CREB3L2: variants seen among roughly 807,000 people sequenced by gnomAD.
The protein encoded by CREB3L2 is cyclic AMP-responsive element-binding protein 3-like protein 2.
A neutral mutation model predicts 57.2 loss-of-function variants in CREB3L2; 23 were observed. That is an observed-to-expected ratio of 0.40 (90% CI 0.29 to 0.57). CREB3L2 has a LOEUF of 0.57. Among genes scored for constraint, CREB3L2 ranks in the 20% least tolerant of loss-of-function variants. CREB3L2 has a pLI of 0.42. For synonymous variants in CREB3L2, 268 were observed against 265.1 expected (o/e 1.01, Z -0.11); for missense variants, 628 against 634.7 (o/e 0.99, Z 0.11).
intron 1 of CREB3L2, among the ~76,000 whole-genome samples, chr7:137,937,556 G>GA (rs887202223): frequency 6.0e-4 from 91 of 150,720 alleles, no homozygotes; most frequent in African/African-American, 2.0e-3. Context: ...AAAGTCCCAA[G>GA]AAAAAAAAAT....
intron 6 of CREB3L2, 145 bp from the exon 7 acceptor site, chr7:137,904,162 T>C (rs1175283093): frequency 1.2e-5 from 8 of 691,264 alleles, no homozygotes; most frequent in Non-Finnish European, 2.0e-5. Flanking sequence ...GCTGGTTCAT[T>C]GACTAGTCTG....
At chr7:137,986,356 T>C (rs1801792266) in intron 1 of CREB3L2, among the ~76,000 whole-genome samples, 1 of 152,250 alleles carries the variant, frequency 6.6e-6, no homozygotes, top group Admixed American at 6.5e-5. Flanking sequence ...CCAACAGGTA[T>C]GCCGGGGAGT....
Position 137,876,546 on chromosome 7 carries a change from A to T in CREB3L2, c.*3930T>A, listed in dbSNP as rs944229002. On this transcript the variant is annotated 3_prime_UTR_variant, in exon 12 of 12. Transcript: ENST00000330387. ...GAATGAGTGAGTGAATGAACGAAAC[A>T]TCTAAGTCTTGTCTCTGGATCCTTC... 1 of 233,052 alleles carries T rather than the reference A, an allele frequency of 4.3e-6. No homozygotes were observed. Among genetic ancestry groups the T allele is most frequent in the Non-Finnish European group, 8.5e-6 (1 of 118,042 alleles). The allele number at this position is 233,052 out of a possible 1,614,324, so 14.4% of individuals were successfully genotyped here.
chr7:137,950,389 C>A lies in CREB3L2; in HGVS notation c.103-22023G>T, dbSNP rs1563263416. Among the ~76,000 whole-genome samples the A allele has an allele frequency of 2.0e-5, 3 of 152,198 alleles. No homozygotes were observed. In the South Asian group the frequency reaches 6.2e-4, roughly 32 times the overall value. Reference sequence around the variant, plus strand: ...CAGGTATGATTACCATCAGTCCACACTTGTCTTTTTCTGGGGAAACTGGAC... The same window carrying A: ...CAGGTATGATTACCATCAGTCCACAATTGTCTTTTTCTGGGGAAACTGGAC... On this transcript the variant is annotated intron_variant, in intron 1 of 11. Transcript: ENST00000330387.
At chr7:137,938,153 C>A (rs1800823188) in intron 1 of CREB3L2, among the ~76,000 whole-genome samples, 1 of 151,980 alleles carries the variant, frequency 6.6e-6, no homozygotes, top group Admixed American at 6.6e-5. Flanking sequence ...AAGAGTGAAC[C>A]CTAATGTGAA....
In CREB3L2 at chr7:137,880,331, C is replaced by T. The variant is rs911524700; in HGVS notation, c.*145G>A. 3 of 681,206 alleles carry T rather than the reference C, an allele frequency of 4.4e-6. No homozygotes were observed. Among genetic ancestry groups the T allele is most frequent in the African/African-American group, 3.6e-5 (2 of 56,168 alleles). The allele number at this position is 681,206 out of a possible 1,614,324, so 42.2% of individuals were successfully genotyped here. A position where few individuals can be genotyped will look rare whatever the true frequency, so the allele number is the denominator to read the frequency against. On this transcript the variant is annotated 3_prime_UTR_variant, in exon 12 of 12. Coordinates refer to ENST00000330387, the MANE Select transcript of CREB3L2 (RefSeq NM_194071.4). This position sits in a 1 kb window ranked among gnomAD's most constrained non-coding sequence, Gnocchi z 4.0. Reference sequence around the variant, plus strand: ...GATGCTCTCTCACTGCAGGGAAGTCCCAGGCTGGTCTCCAATCTGAAGCCA... The same window carrying T: ...GATGCTCTCTCACTGCAGGGAAGTCTCAGGCTGGTCTCCAATCTGAAGCCA...
chr7:137,967,384 A>G (rs1408976876), intron 1 of CREB3L2, among the ~76,000 whole-genome samples: 1 of 152,062 alleles, frequency 6.6e-6, no homozygotes. Context: ...GAGACAATTT[A>G]CCTAACTTTG....
intron 1 of CREB3L2, among the ~76,000 whole-genome samples, chr7:137,995,117 A>G (rs1327295901): frequency 6.6e-6 from 1 of 152,122 alleles, no homozygotes; most frequent in Non-Finnish European, 1.5e-5. Context: ...TGGGCTAGTA[A>G]GAAAAGTTTC....
chr7:137,954,571 G>C (rs1001671750), intron 1 of CREB3L2, among the ~76,000 whole-genome samples: 1 of 152,168 alleles, frequency 6.6e-6, no homozygotes, highest in Non-Finnish European at 1.5e-5. Flanking sequence ...GGCAGCTTAT[G>C]CTTGCGTCCA....
At chr7:137,947,009 T>C (rs1284085474) in intron 1 of CREB3L2, among the ~76,000 whole-genome samples, 1 of 133,838 alleles carries the variant, frequency 7.5e-6, no homozygotes, top group East Asian at 2.0e-4. Flanking sequence ...GTTATATATA[T>C]ATAGTTATAT....
At chr7:137,883,270 G>C (rs767762932) in intron 10 of CREB3L2, among the ~76,000 whole-genome samples, 26 of 152,212 alleles carry the variant, frequency 1.7e-4, no homozygotes, top group African/African-American at 6.0e-4. Flanking sequence ...TAGCACTTCT[G>C]TCATACCTGG....
intron 1 of CREB3L2, among the ~76,000 whole-genome samples, chr7:137,943,145 GAAATA>G: frequency 6.6e-6 from 1 of 152,192 alleles, no homozygotes; most frequent in South Asian, 2.1e-4. Context: ...CTTTTGTTAG[GAAATA>G]AAATAAGAGG....
At chr7:137,971,520 C>T (rs1002606301) in intron 1 of CREB3L2, among the ~76,000 whole-genome samples, 29 of 152,166 alleles carry the variant, frequency 1.9e-4, no homozygotes, top group East Asian at 1.2e-3. Flanking sequence ...CTGCAGACAC[C>T]GCAGAACTTG....
At chr7:137,995,884 C>T (rs895213598) in intron 1 of CREB3L2, among the ~76,000 whole-genome samples, 1 of 152,218 alleles carries the variant, frequency 6.6e-6, no homozygotes, top group African/African-American at 2.4e-5. Flanking sequence ...TCTCATCTTT[C>T]AGGACTGTGC....
intron 1 of CREB3L2, among the ~76,000 whole-genome samples, chr7:137,943,778 T>A (rs1172100573): frequency 6.6e-6 from 1 of 152,224 alleles, no homozygotes; most frequent in East Asian, 1.9e-4. Context: ...AGGATTTTCC[T>A]GTACATTCCA....
At chr7:137,966,864 G>C (rs1801416634) in intron 1 of CREB3L2, among the ~76,000 whole-genome samples, 1 of 152,162 alleles carries the variant, frequency 6.6e-6, no homozygotes, top group Non-Finnish European at 1.5e-5. Context: ...CTGGGAATGA[G>C]GGCATGGAAG....
At chr7:137,917,837 T>C (rs1800169540) in intron 2 of CREB3L2, among the ~76,000 whole-genome samples, 1 of 152,158 alleles carries the variant, frequency 6.6e-6, no homozygotes, top group Admixed American at 6.5e-5. Flanking sequence ...GAAGATGTTT[T>C]GCTTTTAGAG....
chr7:137,944,225 A>G (rs535451061), intron 1 of CREB3L2, among the ~76,000 whole-genome samples: 2 of 152,230 alleles, frequency 1.3e-5, no homozygotes, highest in Non-Finnish European at 2.9e-5. Flanking sequence ...GGAAAGGGAA[A>G]GAAAAATAGC....
intron 5 of CREB3L2, among the ~76,000 whole-genome samples, 175 bp downstream of exon 5, chr7:137,908,077 C>T (rs1563247608): frequency 6.6e-6 from 1 of 152,178 alleles, no homozygotes; most frequent in African/African-American, 2.4e-5. Context: ...GATGTGCGGG[C>T]AGTTCCTAGA....
Sources: gnomAD v4.1 joint callset for allele counts (sites outside exome capture counted in the v4.1 genomes callset) on GRCh38, gnomAD v4.1.1 for gene constraint, Gnocchi (gnomAD v3.1) non-coding constraint, MANE v1.5 for transcripts, NCBI Gene and HGNC (gene_info 2026-07-23, HGNC 2026-07-21) for gene names.